The following SDCCAG8 variants were observed in gnomAD, a reference collection of about 807,000 sequenced individuals.
SDCCAG8 encodes the protein serologically defined colon cancer antigen 8.
SDCCAG8 carries 74 observed loss-of-function variants against 101.8 expected under a neutral mutation model. That is an observed-to-expected ratio of 0.73 (90% CI 0.60 to 0.88). The LOEUF is 0.88. SDCCAG8 is among the 40% of genes least tolerant of loss of function. SDCCAG8 has a pLI of 0.00. For synonymous variants in SDCCAG8, 281 were observed against 292.9 expected, an observed-to-expected ratio of 0.96 and a Z score of 0.41; for missense variants, 787 against 822.6, an observed-to-expected ratio of 0.96 and a Z score of 0.53.
At chr1:243,484,619 C>T (rs2994329) in intron 16 of SDCCAG8, among the ~76,000 whole-genome samples, 39,909 of 152,128 alleles carry the variant, frequency 0.26, 5,881 homozygotes, top group East Asian at 0.4. Flanking sequence ...CTCTTCATGC[C>T]TCAGTGTCCT....
chr1:243,475,787 G>T, intron 16 of SDCCAG8: 1 of 201,066 alleles, frequency 5.0e-6, no homozygotes, highest in Non-Finnish European at 8.9e-6. Context: ...CTAAAATGGG[G>T]CATTCTGTGA....
intron 13 of SDCCAG8, among the ~76,000 whole-genome samples, chr1:243,388,751 G>A (rs2078485875): frequency 6.6e-6 from 1 of 151,608 alleles, no homozygotes; most frequent in South Asian, 2.1e-4. Context: ...GTGCATGCCT[G>A]TAGTCCTAGC....
intron 10 of SDCCAG8, among the ~76,000 whole-genome samples, chr1:243,331,383 G>A (rs1455053925): frequency 6.6e-6 from 1 of 152,176 alleles, no homozygotes. Flanking sequence ...GTTTTTAAAA[G>A]TGGACTCACA....
chr1:243,370,648 C>A (rs1013706125), intron 12 of SDCCAG8, among the ~76,000 whole-genome samples: 4 of 152,062 alleles, frequency 2.6e-5, no homozygotes, highest in Non-Finnish European at 4.4e-5. Flanking sequence ...TAGACACATA[C>A]TTTTAGAAAG....
intron 10 of SDCCAG8, among the ~76,000 whole-genome samples, chr1:243,331,565 A>G (rs183039707): frequency 2.6e-3 from 400 of 152,316 alleles, no homozygotes; most frequent in Admixed American, 7.9e-3. Flanking sequence ...ATAAGAGTAA[A>G]CTCAGGCATT....
At chr1:243,275,186 G>T (rs1034908922) in intron 4 of SDCCAG8, among the ~76,000 whole-genome samples, 8 of 152,142 alleles carry the variant, frequency 5.3e-5, no homozygotes, top group African/African-American at 1.9e-4. Flanking sequence ...AAGGTTATAT[G>T]CTCAACTGCG....
rs71574667 is a variant in SDCCAG8 at position 243,452,414 on chromosome 1, CTTTTTTT to C, written c.1985+25876_1985+25882del. On this transcript the variant is annotated intron_variant, in intron 16 of 17. Transcript: ENST00000366541. ...CCCTACCCTTGAGATGATCTCATCT[CTTTTTTT>C]TTTTTTTTTTTTTTTTTTTGGGACA... is the stretch of plus-strand genomic sequence containing the variant. 7.6e-3 allele frequency among the ~76,000 whole-genome samples: 510 copies of C among 66,676 alleles called. 1 individual carries two copies. Among genetic ancestry groups the C allele is most frequent in the South Asian group, 0.021 (38 of 1,852 alleles). The allele number at this position is 66,676 out of a possible 152,430, so 43.7% of individuals were successfully genotyped here.
At chr1:243,432,422 A>G (rs1390299212) in intron 16 of SDCCAG8, among the ~76,000 whole-genome samples, 2 of 152,172 alleles carry the variant, frequency 1.3e-5, no homozygotes, top group Admixed American at 6.5e-5. Context: ...ACAAATAACT[A>G]ATGGGTACTC....
At position 243,319,995 on chromosome 1, in the gene SDCCAG8, A is replaced by T. The variant is rs1222641149; in HGVS notation, c.1068+3102A>T. On this transcript the variant is annotated intron_variant, in intron 9 of 17. Coordinates refer to ENST00000366541, the MANE Select transcript of SDCCAG8 (RefSeq NM_006642.5). Reference sequence around the variant, plus strand: ...ATCTCTCATTTTATCTGTTGTGTCCAGGCTGGTCTTCTTTTCTTCCCATTT... The same window carrying T: ...ATCTCTCATTTTATCTGTTGTGTCCTGGCTGGTCTTCTTTTCTTCCCATTT... Among the ~76,000 whole-genome samples, 4 of 152,086 alleles carry T rather than the reference A, an allele frequency of 2.6e-5. No homozygotes were observed. The East Asian group carries it at 7.7e-4, about 29-fold the overall frequency.
At chr1:243,295,600 G>A (rs1221824056) in intron 6 of SDCCAG8, among the ~76,000 whole-genome samples, 1 of 152,172 alleles carries the variant, frequency 6.6e-6, no homozygotes, top group Non-Finnish European at 1.5e-5. Context: ...ACCAGTTGCT[G>A]CTTCATAAAT....
intron 16 of SDCCAG8, among the ~76,000 whole-genome samples, chr1:243,435,862 G>A (rs2082094655): frequency 6.6e-6 from 1 of 151,878 alleles, no homozygotes; most frequent in Admixed American, 6.6e-5. Flanking sequence ...AGCATAGTTA[G>A]GAATAAGGAA....
chr1:243,499,659 GT>G, intron 17 of SDCCAG8, 96 bp from the exon 18 acceptor site: 1 of 1,008,926 alleles, frequency 9.9e-7, no homozygotes, highest in Non-Finnish European at 1.6e-6. Context: ...TCCAACAACA[GT>G]TTTCATCATA....
At chr1:243,331,504 G>C (rs2074591380) in intron 10 of SDCCAG8, among the ~76,000 whole-genome samples, 1 of 152,178 alleles carries the variant, frequency 6.6e-6, no homozygotes, top group African/African-American at 2.4e-5. Context: ...GAGGCCTAAA[G>C]ATATGTAAAG....
At chr1:243,304,602 TC>T in intron 6 of SDCCAG8, 110 bp from the exon 7 acceptor site, 1 of 656,550 alleles carries the variant, frequency 1.5e-6, no homozygotes, top group Non-Finnish European at 2.7e-6. Context: ...AAGACATGTT[TC>T]CCCCACGTTG....
At chr1:243,419,525 A>G (rs1384451464) in intron 15 of SDCCAG8, among the ~76,000 whole-genome samples, 2 of 152,106 alleles carry the variant, frequency 1.3e-5, no homozygotes, top group African/African-American at 4.8e-5. Flanking sequence ...CTCCAAGGAG[A>G]CCTAATTAGG....
chr1:243,459,925 A>G (rs1658727957), intron 16 of SDCCAG8, among the ~76,000 whole-genome samples: 1 of 152,016 alleles, frequency 6.6e-6, no homozygotes, highest in Non-Finnish European at 1.5e-5. Flanking sequence ...GCTTTTTTTT[A>G]TTACCACTCA....
intron 6 of SDCCAG8, among the ~76,000 whole-genome samples, chr1:243,295,583 A>C (rs1054919461): frequency 5.9e-5 from 9 of 152,134 alleles, no homozygotes; most frequent in Admixed American, 3.9e-4. Flanking sequence ...AGGCATGCAG[A>C]CCACTCACCA....
At chr1:243,257,024 G>C (rs1354154457) in intron 1 of SDCCAG8, among the ~76,000 whole-genome samples, 1 of 152,112 alleles carries the variant, frequency 6.6e-6, no homozygotes, top group Non-Finnish European at 1.5e-5. Context: ...CTGTCAACTT[G>C]GACAGCATAT....
At chr1:243,308,275 T>A in intron 8 of SDCCAG8, 98 bp downstream of exon 8, 1 of 1,262,320 alleles carries the variant, frequency 7.9e-7, no homozygotes, top group Non-Finnish European at 1.2e-6. Flanking sequence ...AAGTCACATG[T>A]GATTATTGTT....
Sources: allele counts gnomAD v4.1 joint callset (sites outside exome capture counted in the v4.1 genomes callset), GRCh38; gene constraint gnomAD v4.1.1; transcripts MANE v1.5; gene names NCBI Gene and HGNC (gene_info 2026-07-23, HGNC 2026-07-21).